Variants in COMMD1 observed in about 807,000 individuals in gnomAD.
The protein encoded by COMMD1 is copper metabolism domain containing 1, also known as COMM domain-containing protein 1.
A neutral mutation model predicts 17.2 loss-of-function variants in COMMD1; 10 were observed. The observed-to-expected ratio is 0.58, with a 90% CI of 0.36 to 0.99. The LOEUF is 0.99. Ranked by LOEUF, COMMD1 falls within the 50% of genes least tolerant of loss-of-function variation. The pLI is 0.01. For missense variants in COMMD1, 270 were observed against 231.8 expected, an observed-to-expected ratio of 1.17 and a Z score of -1.07; for synonymous variants, 97 against 91.6, an observed-to-expected ratio of 1.06 and a Z score of -0.34.
At chr2:62,103,111 T>A (rs1672231528) in intron 2 of COMMD1, among the ~76,000 whole-genome samples, 1 of 152,080 alleles carries the variant, frequency 6.6e-6, no homozygotes, top group Non-Finnish European at 1.5e-5. Context: ...CCAGAGAAGC[T>A]GGGACTACAG....
intron 2 of COMMD1, among the ~76,000 whole-genome samples, chr2:62,077,237 G>A (rs1671372105): frequency 6.6e-6 from 1 of 152,208 alleles, no homozygotes; most frequent in Non-Finnish European, 1.5e-5. Flanking sequence ...TGGTTTAAGA[G>A]AAGGAAGAAA....
intron 1 of COMMD1, among the ~76,000 whole-genome samples, chr2:61,889,390 A>G (rs1340043147): frequency 1.3e-5 from 2 of 151,424 alleles, no homozygotes; most frequent in Admixed American, 1.3e-4. Flanking sequence ...TATTCGAAAC[A>G]TAGCGAGACT....
At chr2:61,957,284 A>C (rs528084435) in intron 1 of COMMD1, among the ~76,000 whole-genome samples, 1 of 152,114 alleles carries the variant, frequency 6.6e-6, no homozygotes, top group East Asian at 1.9e-4. Flanking sequence ...GTGGTTTGTG[A>C]GAGTGGTCTT....
intron 1 of COMMD1, among the ~76,000 whole-genome samples, chr2:61,910,501 C>T (rs996295817): frequency 6.6e-6 from 1 of 152,180 alleles, no homozygotes; most frequent in African/African-American, 2.4e-5. Context: ...CCCTCCTTGG[C>T]GTCCCATAGT....
intron 1 of COMMD1, among the ~76,000 whole-genome samples, chr2:61,957,460 T>C (rs1671228144): frequency 6.6e-6 from 1 of 152,212 alleles, no homozygotes; most frequent in South Asian, 2.1e-4. Flanking sequence ...CAGTCTTTTT[T>C]GTGACTGTGG....
At chr2:61,930,617 TTGTGTG>T (rs59488185) in intron 1 of COMMD1, among the ~76,000 whole-genome samples, 3,570 of 146,096 alleles carry the variant, frequency 0.024, 52 homozygotes, top group African/African-American at 0.032. Context: ...CCACAGGGTT[TTGTGTG>T]TGTGTGTGTG....
At chr2:61,940,888 C>T (rs1670727973) in intron 1 of COMMD1, among the ~76,000 whole-genome samples, 1 of 151,808 alleles carries the variant, frequency 6.6e-6, no homozygotes, top group Non-Finnish European at 1.5e-5. Context: ...TGGGGTTTCA[C>T]CGTGTTAGCC....
chr2:62,031,723 G>C (rs1669912291), intron 2 of COMMD1, among the ~76,000 whole-genome samples: 1 of 152,136 alleles, frequency 6.6e-6, no homozygotes, highest in South Asian at 2.1e-4. Context: ...GAAGACCTTT[G>C]TGGTTATCAG....
chr2:61,924,399 G>T (rs908943332), intron 1 of COMMD1, among the ~76,000 whole-genome samples: 1 of 140,580 alleles, frequency 7.1e-6, no homozygotes, highest in Non-Finnish European at 1.6e-5. Flanking sequence ...TGGAGAGGGG[G>T]GAAGAGAGAG....
At chr2:62,024,123 A>G (rs1211523368) in intron 2 of COMMD1, among the ~76,000 whole-genome samples, 1 of 152,260 alleles carries the variant, frequency 6.6e-6, no homozygotes, top group African/African-American at 2.4e-5. Context: ...AATTTAATAA[A>G]TAAATATTTT....
intron 1 of COMMD1, among the ~76,000 whole-genome samples, chr2:61,907,863 T>C (rs1191850346): frequency 6.6e-6 from 1 of 151,900 alleles, no homozygotes; most frequent in Non-Finnish European, 1.5e-5. Context: ...ACTAATTTTT[T>C]TATTTTTAGT....
chr2:61,936,626 G>A (rs1052533297), intron 1 of COMMD1, among the ~76,000 whole-genome samples: 24 of 152,130 alleles, frequency 1.6e-4, no homozygotes, highest in African/African-American at 5.6e-4. Context: ...AGGAGACAGG[G>A]TCTTGCCTTA....
chr2:61,998,119 ATAAT>A (rs957982102), intron 1 of COMMD1, among the ~76,000 whole-genome samples: 35 of 152,242 alleles, frequency 2.3e-4, no homozygotes, highest in African/African-American at 8.2e-4. Flanking sequence ...CAACCTACAT[ATAAT>A]TAAAGAAAGT....
At chr2:61,946,542 C>T (rs866036183) in intron 1 of COMMD1, among the ~76,000 whole-genome samples, 3 of 152,180 alleles carry the variant, frequency 2.0e-5, no homozygotes, top group South Asian at 2.1e-4. Flanking sequence ...TTTACACAGT[C>T]TCTCATGAAG....
At chr2:62,110,894 G>A (rs1031126757) in intron 2 of COMMD1, among the ~76,000 whole-genome samples, 7 of 152,096 alleles carry the variant, frequency 4.6e-5, no homozygotes, top group Admixed American at 2.6e-4. Flanking sequence ...CTTTAGGGTA[G>A]ATCTCAAAGG....
intron 1 of COMMD1, among the ~76,000 whole-genome samples, chr2:61,912,657 C>A (rs1475198486): frequency 6.6e-6 from 1 of 151,858 alleles, no homozygotes; most frequent in African/African-American, 2.4e-5. Flanking sequence ...ATTGCTTGAA[C>A]CTGGGAGGTG....
At chr2:62,044,326 G>A (rs926043222) in intron 2 of COMMD1, among the ~76,000 whole-genome samples, 1 of 152,194 alleles carries the variant, frequency 6.6e-6, no homozygotes, top group African/African-American at 2.4e-5. Context: ...TAGGTTAGAA[G>A]AGAGATGTCA....
chr2:62,070,137 C>T (rs1355157593), intron 2 of COMMD1: 1 of 152,230 alleles, frequency 6.6e-6, no homozygotes, highest in Non-Finnish European at 1.5e-5. Flanking sequence ...AAGCCTCCTT[C>T]AGGCTCTATA....
At chr2:61,927,414 A>T (rs1052030193) in intron 1 of COMMD1, among the ~76,000 whole-genome samples, 4 of 152,032 alleles carry the variant, frequency 2.6e-5, no homozygotes, top group Admixed American at 1.3e-4. Context: ...TGTTTTTTAG[A>T]TGGAGTCTCA....
Sources: gnomAD v4.1 joint callset for allele counts (sites outside exome capture counted in the v4.1 genomes callset) on GRCh38, gnomAD v4.1.1 for gene constraint, MANE v1.5 for transcripts, NCBI Gene and HGNC (gene_info 2026-07-23, HGNC 2026-07-21) for gene names.